The following ECPAS variants were observed in gnomAD, a reference collection of about 807,000 sequenced individuals.
The protein encoded by ECPAS is Ecm29 proteasome adaptor and scaffold.
In ECPAS, 70 loss-of-function variants were observed where a neutral mutation model predicts 255.1. That is an observed-to-expected ratio of 0.27 (90% confidence interval 0.23 to 0.33). ECPAS has a LOEUF of 0.33. Among genes scored for constraint, ECPAS ranks in the 10% least tolerant of loss-of-function variants. The pLI is 1.00. For synonymous variants in ECPAS, 784 were observed against 775.0 expected (o/e 1.01, Z -0.19); for missense variants, 1,817 against 2,206.4 (o/e 0.82, Z 3.54).
chr9:111,367,237 A>G (rs1019906659), intron 46 of ECPAS, among the ~76,000 whole-genome samples: 23 of 152,274 alleles, frequency 1.5e-4, no homozygotes, highest in African/African-American at 5.3e-4. Flanking sequence ...GGCTCAAACA[A>G]ATGTAAAAAT....
In ECPAS at chr9:111,408,552, C is replaced by A; in HGVS notation, c.2652+19G>T. On this transcript the variant is annotated intron_variant, in intron 24 of 49. Transcript: ENST00000684092. The stretch of plus-strand genomic sequence containing the variant: ...GCCTTTTCTCTGAATAACTAACAAT[C>A]AGGTAGCAATATAAATACCTCCACA... The A allele has an allele frequency of 1.5e-6, 2 of 1,373,734 alleles. No individual in the cohort carries two copies. Among genetic ancestry groups the A allele is most frequent in the Non-Finnish European group, 1.9e-6 (2 of 1,025,994 alleles). The allele number at this position is 1,373,734 out of a possible 1,614,324, so 85.1% of individuals were successfully genotyped here.
At chr9:111,406,235 C>T (rs188874428) in intron 24 of ECPAS, among the ~76,000 whole-genome samples, 1 of 149,350 alleles carries the variant, frequency 6.7e-6, no homozygotes, top group East Asian at 2.0e-4. Context: ...TAGATGGAAC[C>T]GGAGGACATT....
intron 2 of ECPAS, among the ~76,000 whole-genome samples, chr9:111,456,584 T>C (rs912336299): frequency 6.6e-6 from 1 of 152,166 alleles, no homozygotes; most frequent in Non-Finnish European, 1.5e-5. Context: ...TGGAAAAACA[T>C]ACAAATTCAA....
rs16916091 is a variant in ECPAS, at chr9:111,421,979, G to C, written c.1397C>G (p.Thr466Ser). The change falls in exon 15 of 50, where the codon ACT becomes AGT. Residue 466 changes from threonine (T) to serine (S), a missense_variant. By Grantham distance (58) the Thr-to-Ser change is moderately conservative. Coordinates refer to ENST00000684092, the MANE Select transcript of ECPAS (RefSeq NM_001364929.1). ...ALSMMVGAYSTLEGAQRTLME... is the reference protein window; with the variant it reads ...ALSMMVGAYSSLEGAQRTLME... ...GAGAGTTCGCTGTGCCCCTTCCAAA[G>C]TACTATACGCTCCAACCATCATAGA... 0.042 allele frequency: 67,677 copies of C among 1,613,644 alleles called. 1,654 individuals are homozygous for C. The highest frequency in any genetic ancestry group is 0.071 in the East Asian group (3,184 of 44,856).
intron 1 of ECPAS, among the ~76,000 whole-genome samples, chr9:111,478,362 A>C (rs939539361): frequency 6.6e-6 from 1 of 151,936 alleles, no homozygotes; most frequent in African/African-American, 2.4e-5. Context: ...CCCCGTCTCT[A>C]CTAAAAATAC....
At chr9:111,442,014 T>A (rs2098246632) in intron 5 of ECPAS, among the ~76,000 whole-genome samples, 1 of 152,222 alleles carries the variant, frequency 6.6e-6, no homozygotes, top group South Asian at 2.1e-4. Context: ...GATTTTTAAT[T>A]CTAATTTTTG....
chr9:111,415,747 A>G (rs1477289228), intron 18 of ECPAS, among the ~76,000 whole-genome samples: 3 of 151,984 alleles, frequency 2.0e-5, no homozygotes, highest in African/African-American at 4.8e-5. Flanking sequence ...ACCCTTACAT[A>G]AACAGGCTGC....
At chr9:111,367,543 T>C (rs1005364321) in intron 46 of ECPAS, among the ~76,000 whole-genome samples, 9 of 152,214 alleles carry the variant, frequency 5.9e-5, no homozygotes, top group Admixed American at 4.6e-4. Flanking sequence ...ATACTCTTTA[T>C]GGCATCATAT....
chr9:111,373,880 G>T (rs937429320), intron 39 of ECPAS, 92 bp downstream of exon 39: 46 of 925,584 alleles, frequency 5.0e-5, no homozygotes, highest in Admixed American at 2.0e-4. Flanking sequence ...TCACAAGCAG[G>T]TCTGAATGAT....
intron 39 of ECPAS, 97 bp from the exon 40 acceptor site, chr9:111,373,503 C>A: frequency 1.1e-6 from 1 of 879,858 alleles, no homozygotes. Flanking sequence ...TAATTAACAT[C>A]TGATTTACTC....
At chr9:111,435,987 C>G (rs1291526100) in intron 7 of ECPAS, among the ~76,000 whole-genome samples, 1 of 150,524 alleles carries the variant, frequency 6.6e-6, no homozygotes, top group Non-Finnish European at 1.5e-5. Flanking sequence ...TGCGCCCGGC[C>G]TCTGTTAATT....
chr9:111,468,977 G>A (rs193081127), intron 2 of ECPAS, among the ~76,000 whole-genome samples: 124 of 152,176 alleles, frequency 8.1e-4, no homozygotes, highest in African/African-American at 2.9e-3. Context: ...GATACTAACC[G>A]GAAGTTAAAG....
rs2098133546 is a variant in ECPAS, at chr9:111,376,551, AG to A, written c.3955-11del. ...CACTATCCATCGCAGCCTAAAGAAG[AG>A]AAATTAAAGTCACCCGGCACATTCA... On this transcript the variant is annotated splice_polypyrimidine_tract_variant and intron_variant, in intron 36 of 49. Transcript: ENST00000684092. The A allele has an allele frequency of 6.3e-7, 1 of 1,586,158 alleles. No homozygotes were observed. The highest frequency in any genetic ancestry group is 1.8e-5 in the Admixed American group (1 of 56,350).
chr9:111,468,397 A>G (rs1282667852), intron 2 of ECPAS, among the ~76,000 whole-genome samples: 1 of 152,178 alleles, frequency 6.6e-6, no homozygotes, highest in Non-Finnish European at 1.5e-5. Context: ...CTAAATTATA[A>G]CATGGTTTAA....
chr9:111,444,292 A>T, intron 4 of ECPAS, 86 bp downstream of exon 4: 1 of 875,466 alleles, frequency 1.1e-6, no homozygotes, highest in Non-Finnish European at 1.8e-6. Context: ...TGAAATTCTA[A>T]ACTTGCCAAT....
Position 111,483,959 on chromosome 9 carries a change from G to C in ECPAS, c.-83+157C>G. On this transcript the variant is annotated intron_variant, in intron 1 of 49. Transcript: ENST00000684092. ...GCCCCTCGCGCGCCCGCCCGCCCTC[G>C]CTCGCTCGCGGCTCGTCCTGCCCAC... 5.1e-6 allele frequency: 5 copies of C among 975,202 alleles called. No individual in the cohort carries two copies. In the South Asian group the frequency reaches 2.3e-4, roughly 45 times the overall value. The allele number at this position is 975,202 out of a possible 1,614,324, so 60.4% of individuals were successfully genotyped here.
intron 2 of ECPAS, among the ~76,000 whole-genome samples, chr9:111,456,292 A>C (rs1328217068): frequency 1.3e-5 from 2 of 152,208 alleles, no homozygotes; most frequent in Non-Finnish European, 2.9e-5. Flanking sequence ...AACAGAACTG[A>C]AGAAGACTGA....
chr9:111,436,540 T>A, intron 7 of ECPAS, among the ~76,000 whole-genome samples: 1 of 152,244 alleles, frequency 6.6e-6, no homozygotes, highest in Non-Finnish European at 1.5e-5. Context: ...CGTACAGCCC[T>A]TAAAAGTTGA....
intron 48 of ECPAS, 78 bp from the exon 49 acceptor site, chr9:111,363,737 G>A: frequency 1.4e-6 from 1 of 734,160 alleles, no homozygotes; most frequent in South Asian, 1.6e-5. Context: ...GTTGCTGAAA[G>A]AAAGATGTCC....
Sources: allele counts gnomAD v4.1 joint callset (sites outside exome capture counted in the v4.1 genomes callset), GRCh38; gene constraint gnomAD v4.1.1; transcripts MANE v1.5; gene names NCBI Gene and HGNC (gene_info 2026-07-23, HGNC 2026-07-21).